MIS18A: variants seen among roughly 807,000 people sequenced by gnomAD.
The protein encoded by MIS18A is MIS18 kinetochore protein A.
Under a neutral mutation model 25.0 loss-of-function variants are expected in MIS18A, and 14 were observed. The ratio of observed to expected loss-of-function variants is 0.56; its 90% confidence interval spans 0.37 to 0.88. MIS18A has a LOEUF of 0.88. Ranked by LOEUF, MIS18A falls within the 40% of genes least tolerant of loss-of-function variation. MIS18A has a pLI of 0.00. For missense variants in MIS18A, 292 were observed against 290.8 expected (o/e 1.00, Z -0.03); for synonymous variants, 134 against 118.6 (o/e 1.13, Z -0.84).
At chr21:32,259,995 A>C in the MIS18A span, 1 of 151,272 alleles carries the variant, frequency 6.6e-6, no homozygotes, top group Non-Finnish European at 1.5e-5. Flanking sequence ...GCACCACTGC[A>C]GTTTGGGTTA....
At chr21:32,274,934 G>T in intron 1 of MIS18A, 38 bp from the exon 2 acceptor site, 1 of 1,530,880 alleles carries the variant, frequency 6.5e-7, no homozygotes, top group Non-Finnish European at 9.0e-7. Context: ...TATTAATGTA[G>T]TTCGTTATAA....
At chr21:32,261,002 C>T in the MIS18A span, 61,310 of 152,020 alleles carry the variant, frequency 0.4, 14,441 homozygotes, top group African/African-American at 0.66. Flanking sequence ...CAGAGTGAGA[C>T]GACCTAAAAT....
chr21:32,261,560 T>C, the MIS18A span: 5 of 152,366 alleles, frequency 3.3e-5, no homozygotes, highest in South Asian at 2.1e-4. Context: ...ATTTGTTCCA[T>C]TGAAGATGGA....
the MIS18A span, among the ~76,000 whole-genome samples, chr21:32,255,051 T>C: frequency 2.6e-5 from 4 of 152,214 alleles, no homozygotes. Context: ...CACAGCAAGC[T>C]GTCCTTTTTA....
the MIS18A span, among the ~76,000 whole-genome samples, chr21:32,168,193 T>C: frequency 6.6e-6 from 1 of 152,214 alleles, no homozygotes; most frequent in African/African-American, 2.4e-5. Context: ...AGGAACCACA[T>C]TGGCTTGCAT....
the MIS18A span, among the ~76,000 whole-genome samples, chr21:32,239,235 G>A: frequency 5.9e-5 from 9 of 152,204 alleles, no homozygotes; most frequent in South Asian, 6.2e-4. Flanking sequence ...CTTTCCGTCC[G>A]ACCTTGAGAA....
the MIS18A span, among the ~76,000 whole-genome samples, chr21:32,244,938 A>G: frequency 2.6e-5 from 4 of 152,226 alleles, no homozygotes; most frequent in African/African-American, 7.2e-5. Flanking sequence ...CCAAAAACAG[A>G]GCAATGTACA....
At chr21:32,215,250 C>A in the MIS18A span, among the ~76,000 whole-genome samples, 1 of 152,170 alleles carries the variant, frequency 6.6e-6, no homozygotes, top group African/African-American at 2.4e-5. Flanking sequence ...TCAGGCTTGC[C>A]CTCTCTCCCT....
chr21:32,266,903 T>C (rs192961629), downstream of MIS18A, among the ~76,000 whole-genome samples: 21 of 152,198 alleles, frequency 1.4e-4, no homozygotes, highest in East Asian at 2.1e-3. Flanking sequence ...TTTCCAATTA[T>C]AAGAAACAAA....
chr21:32,242,276 C>CA, the MIS18A span, among the ~76,000 whole-genome samples: 1 of 152,220 alleles, frequency 6.6e-6, no homozygotes. Context: ...GATAAGGCTC[C>CA]ATGGCCTGTC....
the MIS18A span, among the ~76,000 whole-genome samples, chr21:32,242,314 AT>A: frequency 6.6e-6 from 1 of 152,240 alleles, no homozygotes; most frequent in Non-Finnish European, 1.5e-5. Context: ...GGATATGGCC[AT>A]TTCGGAAGGT....
the MIS18A span, among the ~76,000 whole-genome samples, chr21:32,225,351 C>A: frequency 9.9e-6 from 1 of 100,764 alleles, no homozygotes; most frequent in Non-Finnish European, 1.9e-5. Context: ...CAACCTACAA[C>A]ATGGGAGAAA....
At chr21:32,156,553 A>T in the MIS18A span, 1 of 152,132 alleles carries the variant, frequency 6.6e-6, no homozygotes, top group African/African-American at 2.4e-5. Context: ...ACCCACTTTT[A>T]TAAGACATTT....
the MIS18A span, among the ~76,000 whole-genome samples, chr21:32,181,352 C>T: frequency 7.9e-5 from 12 of 152,234 alleles, no homozygotes; most frequent in East Asian, 1.9e-3. Context: ...CCTCCATAAT[C>T]GCATGAGCCA....
At chr21:32,197,544 T>A in the MIS18A span, among the ~76,000 whole-genome samples, 1 of 152,200 alleles carries the variant, frequency 6.6e-6, no homozygotes. Context: ...GGTCTCAGGA[T>A]CCCTGAGGCT....
At chr21:32,278,602 T>A (rs1232605459) in intron 1 of MIS18A, 79 bp downstream of exon 1, 24 of 1,380,024 alleles carry the variant, frequency 1.7e-5, no homozygotes, top group Non-Finnish European at 2.2e-5. Flanking sequence ...AGCCCCCGCC[T>A]CCTCCCGGGC....
At chr21:32,267,434 T>C (rs1347970644), downstream of MIS18A, among the ~76,000 whole-genome samples, 1 of 152,226 alleles carries the variant, frequency 6.6e-6, no homozygotes, top group East Asian at 1.9e-4. Context: ...ATGAGCTACA[T>C]TTATCTTCTG....
At chr21:32,160,378 T>G in the MIS18A span, among the ~76,000 whole-genome samples, 1 of 151,902 alleles carries the variant, frequency 6.6e-6, no homozygotes, top group Admixed American at 6.6e-5. Flanking sequence ...GTACAGTATG[T>G]GAACCCCAAA....
chr21:32,199,347 C>T, the MIS18A span, among the ~76,000 whole-genome samples: 3 of 151,998 alleles, frequency 2.0e-5, no homozygotes, highest in Non-Finnish European at 4.4e-5. Context: ...GCTACCTTTG[C>T]TTACATGCTC....
Sources: gnomAD v4.1 joint callset for allele counts (sites outside exome capture counted in the v4.1 genomes callset) on GRCh38, gnomAD v4.1.1 for gene constraint, MANE v1.5 for transcripts, NCBI Gene and HGNC (gene_info 2026-07-23, HGNC 2026-07-21) for gene names.